ASPH: variants seen among roughly 807,000 people sequenced by gnomAD.
ASPH encodes the protein aspartyl/asparaginyl beta-hydroxylase.
Under a neutral mutation model 118.4 loss-of-function variants are expected in ASPH, and 100 were observed. The observed-to-expected ratio is 0.84, with a 90% CI of 0.72 to 1.00. The LOEUF (loss-of-function observed/expected upper bound fraction) is 1.00. ASPH is among the 50% of genes least tolerant of loss of function. The pLI is 0.00. For missense variants in ASPH, 920 were observed against 919.5 expected (o/e 1.00, Z -0.01); for synonymous variants, 315 against 325.6 (o/e 0.97, Z 0.35).
intron 14 of ASPH, among the ~76,000 whole-genome samples, chr8:61,603,217 A>G (rs1022044213): frequency 8.6e-5 from 13 of 150,646 alleles, no homozygotes; most frequent in East Asian, 3.9e-4. Flanking sequence ...AAAAAAAAAA[A>G]AGAGAAAAGA....
intron 3 of ASPH, chr8:61,676,263 T>C (rs1230330214): frequency 1.1e-5 from 17 of 1,591,292 alleles, no homozygotes; most frequent in South Asian, 2.2e-5. Context: ...TCTGCTAAAA[T>C]ATTAAGGACT....
chr8:61,535,169 G>C (rs1039116203), intron 21 of ASPH, among the ~76,000 whole-genome samples: 5 of 152,136 alleles, frequency 3.3e-5, no homozygotes, highest in Admixed American at 2.0e-4. Context: ...TGAGGTCGTG[G>C]GGAGTAGAAT....
intron 21 of ASPH, among the ~76,000 whole-genome samples, chr8:61,533,465 T>G (rs1243338605): frequency 6.6e-6 from 1 of 152,210 alleles, no homozygotes; most frequent in Non-Finnish European, 1.5e-5. Context: ...ATTCTTTTTG[T>G]TTTGTTCATC....
chr8:61,686,534 A>G (rs1420328057), intron 1 of ASPH, among the ~76,000 whole-genome samples: 2 of 152,204 alleles, frequency 1.3e-5, no homozygotes, highest in Admixed American at 6.5e-5. Context: ...CTACATTTTT[A>G]TAAACAGAAA....
rs1023437004 is a variant in ASPH, at chr8:61,501,724, A to C, written c.*1635T>G. Reference sequence around the variant, plus strand: ...ATGCCTCTTCATCTGATTTAGTGGGATGTTTTCAATACCAGCAAAACAAAA... The same window carrying C: ...ATGCCTCTTCATCTGATTTAGTGGGCTGTTTTCAATACCAGCAAAACAAAA... On this transcript the variant is annotated 3_prime_UTR_variant, in exon 25 of 25. Transcript: ENST00000379454. 1.3e-5 allele frequency: 2 copies of C among 152,182 alleles called. No individual in the cohort carries two copies. Among genetic ancestry groups the C allele is most frequent in the Non-Finnish European group, 2.9e-5 (2 of 68,044 alleles). The allele number at this position is 152,182 out of a possible 1,614,324, so 9.4% of individuals were successfully genotyped here.
At chr8:61,676,260 A>C (rs746723054) in intron 3 of ASPH, 8 of 1,592,230 alleles carry the variant, frequency 5.0e-6, no homozygotes, top group Middle Eastern at 3.3e-4. Context: ...TCCTCTGCTA[A>C]AATATTAAGG....
At chr8:61,653,493 C>A in intron 4 of ASPH, 75 bp downstream of exon 4, 2 of 1,399,494 alleles carry the variant, frequency 1.4e-6, no homozygotes, top group Non-Finnish European at 2.0e-6. Context: ...CCAGGTAAAA[C>A]GTGATTCTGT....
intron 14 of ASPH, among the ~76,000 whole-genome samples, chr8:61,593,047 T>C (rs555635614): frequency 1.3e-5 from 2 of 152,312 alleles, no homozygotes; most frequent in South Asian, 2.1e-4. Context: ...CCTCAGTTAT[T>C]TTCTCTTTCA....
chr8:61,644,104 A>ATCAAG lies in ASPH; in HGVS notation c.653-108_653-104dup, dbSNP rs1468160067. On this transcript the variant is annotated intron_variant, in intron 7 of 24. Coordinates refer to ENST00000379454, the MANE Select transcript of ASPH (RefSeq NM_004318.4). ...TTTCTAGTTATGATTGAAATGCAAA[A>ATCAAG]TCAAGTCATAATGATATTCAAACAT... 64 of 886,204 alleles carry ATCAAG rather than the reference A, an allele frequency of 7.2e-5. No individual in the cohort carries two copies. In the African/African-American group the frequency reaches 1.0e-3, roughly 14 times the overall value. 54.9% of individuals were successfully genotyped at this position (886,204 alleles called of 1,614,324 possible). A position where few individuals can be genotyped will look rare whatever the true frequency, so the allele number is the denominator to read the frequency against.
chr8:61,674,989 G>A (rs1824544262), intron 3 of ASPH, among the ~76,000 whole-genome samples: 1 of 152,106 alleles, frequency 6.6e-6, no homozygotes, highest in Non-Finnish European at 1.5e-5. Context: ...CCCTAGAAGA[G>A]CTTTGCTTGA....
chr8:61,555,867 T>A, intron 19 of ASPH, 57 bp downstream of exon 19: 2 of 1,450,498 alleles, frequency 1.4e-6, no homozygotes, highest in Non-Finnish European at 1.9e-6. Flanking sequence ...AGCAAGTGTG[T>A]CCCAATAACT....
At chr8:61,653,921 AAC>A (rs1248979213) in intron 3 of ASPH, among the ~76,000 whole-genome samples, 2 of 152,206 alleles carry the variant, frequency 1.3e-5, no homozygotes, top group Non-Finnish European at 2.9e-5. Context: ...GAATCTCTAA[AAC>A]AGTCATGTCT....
chr8:61,528,832 C>G (rs1407721665), intron 21 of ASPH, among the ~76,000 whole-genome samples: 1 of 152,158 alleles, frequency 6.6e-6, no homozygotes, highest in Non-Finnish European at 1.5e-5. Context: ...ATATGTGGCA[C>G]ACATGTACTG....
In ASPH at chr8:61,553,108, A is replaced by C; in HGVS notation, c.1549T>G (p.Ser517Ala). 1 of 1,613,026 alleles carries C rather than the reference A, an allele frequency of 6.2e-7. No homozygotes were observed. The highest frequency in any genetic ancestry group is 8.5e-7 in the Non-Finnish European group (1 of 1,179,108). The change falls in exon 20 of 25, where the codon TCC becomes GCC. Residue 517 changes from serine (S) to alanine (A), a missense_variant. Ser to Ala is a moderately conservative substitution (Grantham distance 99). Transcript: ENST00000379454. ...CCATCATCAGTGCCAGGATCTCCGGATTCTATTCCTTCCTGTAGAAAGGAC... is the reference window on the plus strand; with the variant it reads ...CCATCATCAGTGCCAGGATCTCCGGCTTCTATTCCTTCCTGTAGAAAGGAC... ...SIPYLKEGIESGDPGTDDGRF... is the reference protein window; with the variant it reads ...SIPYLKEGIEAGDPGTDDGRF...
intron 24 of ASPH, among the ~76,000 whole-genome samples, chr8:61,508,992 C>G (rs916834880): frequency 6.6e-6 from 1 of 151,416 alleles, no homozygotes; most frequent in Non-Finnish European, 1.5e-5. Flanking sequence ...AAACGTAAAA[C>G]TGCATTGTCA....
chr8:61,676,350 A>G, intron 3 of ASPH: 1 of 1,546,440 alleles, frequency 6.5e-7, no homozygotes, highest in Middle Eastern at 1.7e-4. Flanking sequence ...AGAGAGAGAA[A>G]ATAAGGAGAG....
intron 13 of ASPH, chr8:61,632,818 G>A: frequency 4.9e-6 from 1 of 202,294 alleles, no homozygotes; most frequent in South Asian, 6.8e-5. Context: ...AATTTTGGCA[G>A]GCACAATTAG....
chr8:61,616,600 G>GTCTA (rs1849115204), intron 14 of ASPH, among the ~76,000 whole-genome samples: 1 of 152,184 alleles, frequency 6.6e-6, no homozygotes, highest in Non-Finnish European at 1.5e-5. Context: ...TCCCACTGTG[G>GTCTA]TCTAGTCTTT....
At chr8:61,691,961 A>G (rs901083797) in intron 1 of ASPH, among the ~76,000 whole-genome samples, 5 of 152,170 alleles carry the variant, frequency 3.3e-5, no homozygotes, top group African/African-American at 1.2e-4. Flanking sequence ...GCTCCACTCC[A>G]AATTACAGAA....
Sources: gnomAD v4.1 joint callset for allele counts (sites outside exome capture counted in the v4.1 genomes callset) on GRCh38, gnomAD v4.1.1 for gene constraint, MANE v1.5 for transcripts, NCBI Gene and HGNC (gene_info 2026-07-23, HGNC 2026-07-21) for gene names.